The following KLHDC1 variants were observed in gnomAD, a reference collection of about 807,000 sequenced individuals.
The protein encoded by KLHDC1 is kelch domain-containing protein 1.
KLHDC1 carries 53 observed loss-of-function variants against 68.3 expected under a neutral mutation model. The ratio of observed to expected loss-of-function variants is 0.78; its 90% CI spans 0.62 to 0.98. The LOEUF is 0.98. KLHDC1 is among the 50% of genes least tolerant of loss of function. The pLI is 0.00. For synonymous variants in KLHDC1, 148 were observed against 159.0 expected, an observed-to-expected ratio of 0.93 and a Z score of 0.52; for missense variants, 470 against 492.3, an observed-to-expected ratio of 0.95 and a Z score of 0.43.
chr14:49,696,963 G>A (rs1435393110), intron 1 of KLHDC1, among the ~76,000 whole-genome samples: 13 of 149,738 alleles, frequency 8.7e-5, no homozygotes, highest in Admixed American at 5.3e-4. Flanking sequence ...TTAAGACGGA[G>A]TCTCGCTCCA....
At chr14:49,728,808 T>C in intron 6 of KLHDC1, 118 bp from the exon 7 acceptor site, 1 of 732,444 alleles carries the variant, frequency 1.4e-6, no homozygotes, top group Non-Finnish European at 2.4e-6. Context: ...GCGTTTTTAA[T>C]TGAATTACAT....
chr14:49,694,477 T>A (rs146139342), intron 1 of KLHDC1, among the ~76,000 whole-genome samples: 3 of 152,272 alleles, frequency 2.0e-5, no homozygotes, highest in South Asian at 2.1e-4. Context: ...TCATACGAAT[T>A]TTTTTGGTAT....
At chr14:49,714,655 C>G (rs1273087345) in intron 4 of KLHDC1, among the ~76,000 whole-genome samples, 1 of 151,786 alleles carries the variant, frequency 6.6e-6, no homozygotes, top group Admixed American at 6.6e-5. Flanking sequence ...GCATGCTATG[C>G]ACCTGTGGTC....
Position 49,731,245 on chromosome 14 carries a change from A to C in KLHDC1, c.711-1459A>C, listed in dbSNP as rs559029229. ...CAGTGAGCTGAGATCACGCCATTGC[A>C]CTCCAGCTTGGGAAACGAGCAAAAC... On this transcript the variant is annotated intron_variant, in intron 8 of 12. Transcript: ENST00000359332. Among the ~76,000 whole-genome samples, 34 of 152,242 alleles carry C rather than the reference A, an allele frequency of 2.2e-4. No individual in the cohort carries two copies. The South Asian group carries it at 7.0e-3, about 32-fold the overall frequency.
At chr14:49,716,530 C>G (rs1888382166) in intron 4 of KLHDC1, among the ~76,000 whole-genome samples, 2 of 151,928 alleles carry the variant, frequency 1.3e-5, no homozygotes, top group East Asian at 1.9e-4. Flanking sequence ...GTTACAGGTG[C>G]CTGCAACCAT....
chr14:49,729,333 A>G (rs919109691), intron 7 of KLHDC1, among the ~76,000 whole-genome samples, 157 bp from the exon 8 acceptor site: 1 of 152,124 alleles, frequency 6.6e-6, no homozygotes, highest in Non-Finnish European at 1.5e-5. Flanking sequence ...GCTCTGTGTC[A>G]GTCTTATTAA....
At chr14:49,742,589 CT>C (rs1312512614) in intron 11 of KLHDC1, among the ~76,000 whole-genome samples, 1 of 150,966 alleles carries the variant, frequency 6.6e-6, no homozygotes, top group Non-Finnish European at 1.5e-5. Flanking sequence ...AAGAGAATCA[CT>C]TGAACCCGGG....
chr14:49,703,651 T>C (rs369545654), intron 1 of KLHDC1, among the ~76,000 whole-genome samples: 2 of 152,286 alleles, frequency 1.3e-5, no homozygotes, highest in East Asian at 1.9e-4. Context: ...ATGAATTCTT[T>C]TAGTTTTCAG....
chr14:49,714,490 T>G (rs1038978219), intron 4 of KLHDC1, among the ~76,000 whole-genome samples: 5 of 151,732 alleles, frequency 3.3e-5, no homozygotes, highest in Non-Finnish European at 7.4e-5. Flanking sequence ...AAAAAAAATC[T>G]AGGCTGGTTG....
At chr14:49,718,779 T>TC in intron 4 of KLHDC1, among the ~76,000 whole-genome samples, 1 of 133,952 alleles carries the variant, frequency 7.5e-6, no homozygotes, top group African/African-American at 2.8e-5. Context: ...CTTTTTTTTT[T>TC]TTTTTTTTTT....
chr14:49,706,059 C>G (rs573576343), intron 1 of KLHDC1, among the ~76,000 whole-genome samples: 1 of 152,186 alleles, frequency 6.6e-6, no homozygotes, highest in South Asian at 2.1e-4. Flanking sequence ...CCCTATTGTG[C>G]GATCAAATAC....
chr14:49,737,193 C>G (rs1164839722), intron 10 of KLHDC1, among the ~76,000 whole-genome samples: 3 of 152,102 alleles, frequency 2.0e-5, no homozygotes, highest in Non-Finnish European at 4.4e-5. Context: ...TCTTCCAGTT[C>G]CCATCCTTGA....
intron 4 of KLHDC1, among the ~76,000 whole-genome samples, chr14:49,718,862 T>A (rs1448546405): frequency 7.1e-6 from 1 of 141,790 alleles, no homozygotes; most frequent in East Asian, 2.3e-4. Flanking sequence ...CCTAGCTCAC[T>A]GTTTCCTGGG....
intron 3 of KLHDC1, 67 bp from the exon 4 acceptor site, chr14:49,710,196 C>A: frequency 1.2e-6 from 1 of 839,214 alleles, no homozygotes; most frequent in Non-Finnish European, 2.0e-6. Context: ...TCTTGGATCA[C>A]ATTCCCTCTG....
chr14:49,717,680 T>C (rs1242618297), intron 4 of KLHDC1, among the ~76,000 whole-genome samples: 1 of 152,166 alleles, frequency 6.6e-6, no homozygotes, highest in East Asian at 1.9e-4. Context: ...AGCCTCAAAC[T>C]AATTTAGGAA....
intron 4 of KLHDC1, among the ~76,000 whole-genome samples, chr14:49,717,502 T>A (rs1383884021): frequency 6.6e-6 from 1 of 152,226 alleles, no homozygotes; most frequent in African/African-American, 2.4e-5. Context: ...TTTGTACATC[T>A]TCTTTGGAGA....
chr14:49,716,363 G>A (rs1415299752), intron 4 of KLHDC1, among the ~76,000 whole-genome samples: 1 of 151,986 alleles, frequency 6.6e-6, no homozygotes, highest in African/African-American at 2.4e-5. Context: ...CTGAGAGTAG[G>A]AGGGAGACTT....
Position 49,705,205 on chromosome 14 carries a change from G to A in KLHDC1, c.97-3954G>A, listed in dbSNP as rs144089525. On this transcript the variant is annotated intron_variant, in intron 1 of 12. Transcript: ENST00000359332. The stretch of plus-strand genomic sequence containing the variant: ...AACTAGGAGATGTTTAAGTACTGAA[G>A]GCGTACTGTGTGTGAAAGGCAACTT... Among the ~76,000 whole-genome samples, 1,404 of 152,082 alleles carry A rather than the reference G, an allele frequency of 9.2e-3. 23 individuals are homozygous for A. Among genetic ancestry groups the A allele is most frequent in the African/African-American group, 0.033 (1,351 of 41,474 alleles).
intron 4 of KLHDC1, among the ~76,000 whole-genome samples, chr14:49,716,143 T>G (rs958523646): frequency 4.6e-5 from 7 of 152,188 alleles, no homozygotes; most frequent in Non-Finnish European, 1.0e-4. Context: ...ACTCTGTCTC[T>G]GAACCTAGCA....
Sources: allele counts gnomAD v4.1 joint callset (sites outside exome capture counted in the v4.1 genomes callset), GRCh38; gene constraint gnomAD v4.1.1; transcripts MANE v1.5; gene names NCBI Gene and HGNC (gene_info 2026-07-23, HGNC 2026-07-21).